The following DYNC2H1 variants were observed in gnomAD, a reference collection of about 807,000 sequenced individuals.
DYNC2H1 encodes cytoplasmic dynein 2 heavy chain 1.
In DYNC2H1, 410 loss-of-function variants were observed where a neutral mutation model predicts 570.0. The observed-to-expected ratio is 0.72, with a 90% CI of 0.66 to 0.78. The LOEUF is 0.78. Ranked by LOEUF, DYNC2H1 falls within the 30% of genes least tolerant of loss-of-function variation. The pLI is 0.00. For synonymous variants in DYNC2H1, 1,688 were observed against 1,677.6 expected (o/e 1.01, Z -0.15); for missense variants, 4,865 against 5,046.4 (o/e 0.96, Z 1.09).
chr11:103,369,359 A>G lies in DYNC2H1; in HGVS notation c.12156+11000A>G, dbSNP rs1941050479. Among the ~76,000 whole-genome samples, 1 of 152,164 alleles carries G rather than the reference A, an allele frequency of 6.6e-6. No individual in the cohort carries two copies. Among genetic ancestry groups the G allele is most frequent in the Admixed American group, 6.5e-5 (1 of 15,276 alleles). ...GCAGGCGGAAGTACTCTGGGGCTCT[A>G]AATAATCTTGAAAAGCAGTCCAGGC... On this transcript the variant is annotated intron_variant, in intron 83 of 88. Coordinates refer to ENST00000375735, the MANE Select transcript of DYNC2H1 (RefSeq NM_001377.3). This position sits in a 1 kb window ranked among gnomAD's most constrained non-coding sequence, Gnocchi z 4.0.
rs1158336241 is a variant in DYNC2H1, at chr11:103,199,789, A to G, written c.8089-257A>G. Among the ~76,000 whole-genome samples the G allele has an allele frequency of 6.6e-6, 1 of 152,198 alleles. No homozygotes were observed. The highest frequency in any genetic ancestry group is 1.9e-4 in the East Asian group (1 of 5,198). On this transcript the variant is annotated intron_variant, in intron 49 of 88. Transcript: ENST00000375735. The surrounding 1 kb of genome is among the most constrained non-coding windows in gnomAD (Gnocchi z 4.6). Reference sequence around the variant, plus strand: ...CAGAAGGATGGAATTTACATAGGAAATATATGAGTAGAGATAAAAATGATC... The same window carrying G: ...CAGAAGGATGGAATTTACATAGGAAGTATATGAGTAGAGATAAAAATGATC...
chr11:103,179,690 C>G (rs574860519), intron 39 of DYNC2H1, among the ~76,000 whole-genome samples: 15 of 151,428 alleles, frequency 9.9e-5, no homozygotes, highest in Non-Finnish European at 1.3e-4. Flanking sequence ...GTCCAATGAC[C>G]CAGTCTTTTC....
chr11:103,118,689 G>A (rs1858545874), intron 6 of DYNC2H1, among the ~76,000 whole-genome samples: 1 of 152,020 alleles, frequency 6.6e-6, no homozygotes, highest in African/African-American at 2.4e-5. Context: ...GTAAATAGTT[G>A]GTTTACTTGA....
At chr11:103,263,921 C>T (rs1038359472) in intron 70 of DYNC2H1, among the ~76,000 whole-genome samples, 2 of 152,008 alleles carry the variant, frequency 1.3e-5, no homozygotes, top group African/African-American at 4.8e-5. Context: ...AATCCAGGAG[C>T]TGGTTTTATG....
At position 103,189,541 on chromosome 11, in the gene DYNC2H1, T is replaced by G. The variant is rs1311532915; in HGVS notation, c.7293-131T>G. 1.2e-6 allele frequency: 1 copy of G among 837,640 alleles called. No homozygotes were observed. The highest frequency in any genetic ancestry group is 1.8e-6 in the Non-Finnish European group (1 of 549,006). 51.9% of individuals were successfully genotyped at this position (837,640 alleles called of 1,614,324 possible). ...GGCGATGAGCCTAGTCTTAGCCCCCTGGGTAAGCTTTGGAGATATGTAGGT... is the reference window on the plus strand; with the variant it reads ...GGCGATGAGCCTAGTCTTAGCCCCCGGGGTAAGCTTTGGAGATATGTAGGT... On this transcript the variant is annotated intron_variant, in intron 44 of 88. Coordinates refer to ENST00000375735, the MANE Select transcript of DYNC2H1 (RefSeq NM_001377.3). This position sits in a 1 kb window ranked among gnomAD's most constrained non-coding sequence, Gnocchi z 4.3.
intron 84 of DYNC2H1, among the ~76,000 whole-genome samples, chr11:103,432,046 G>A (rs904380369): frequency 2.6e-5 from 4 of 152,084 alleles, no homozygotes; most frequent in Non-Finnish European, 4.4e-5. Flanking sequence ...CAGCCGCCGA[G>A]CACCAAACAG....
chr11:103,255,040 G>A (rs1021014715), intron 66 of DYNC2H1, among the ~76,000 whole-genome samples: 3 of 151,884 alleles, frequency 2.0e-5, no homozygotes, highest in Non-Finnish European at 1.5e-5. Context: ...CAAAGTGCTG[G>A]GATTACAGGC....
At chr11:103,298,999 C>T (rs934269175) in intron 75 of DYNC2H1, among the ~76,000 whole-genome samples, 4 of 151,968 alleles carry the variant, frequency 2.6e-5, no homozygotes, top group Non-Finnish European at 5.9e-5. Context: ...ATGGTAGTGA[C>T]CAGATGCAAG....
chr11:103,345,092 A>G (rs1939673952), intron 82 of DYNC2H1, among the ~76,000 whole-genome samples: 1 of 152,136 alleles, frequency 6.6e-6, no homozygotes, highest in African/African-American at 2.4e-5. Flanking sequence ...TATTTTTCGA[A>G]CATTATAAAG....
At chr11:103,211,268 T>C (rs1288777481) in intron 53 of DYNC2H1, among the ~76,000 whole-genome samples, 3 of 152,050 alleles carry the variant, frequency 2.0e-5, no homozygotes, top group African/African-American at 7.2e-5. Context: ...GGGCAGGGAA[T>C]ACAGATGCAA....
At chr11:103,399,356 G>A (rs1367834862) in intron 83 of DYNC2H1, among the ~76,000 whole-genome samples, 2 of 130,648 alleles carry the variant, frequency 1.5e-5, no homozygotes, top group East Asian at 2.2e-4. Context: ...GGGTTTCACC[G>A]TGTTGGCCAG....
rs1052642965 is a variant in DYNC2H1 at position 103,200,244 on chromosome 11, T to C, written c.8197+90T>C. The C allele has an allele frequency of 2.8e-5, 29 of 1,045,150 alleles. No homozygotes were observed. In the African/African-American group the frequency reaches 4.1e-4, roughly 15 times the overall value. The allele number at this position is 1,045,150 out of a possible 1,614,324, so 64.7% of individuals were successfully genotyped here. Reference sequence around the variant, plus strand: ...TATCTTGTGCAAAATTTATTTGTTTTGGAGAACTTTTGGCATAGTTCTTAC... The same window carrying C: ...TATCTTGTGCAAAATTTATTTGTTTCGGAGAACTTTTGGCATAGTTCTTAC... On this transcript the variant is annotated intron_variant, in intron 50 of 88. Transcript: ENST00000375735.
intron 34 of DYNC2H1, 71 bp from the exon 35 acceptor site, chr11:103,173,011 C>T (rs934260977): frequency 5.1e-6 from 4 of 785,988 alleles, no homozygotes; most frequent in East Asian, 4.8e-5. Context: ...CAAATATAAA[C>T]GATGCCTATA....
In DYNC2H1 at chr11:103,236,435, G is replaced by T; in HGVS notation, c.9715G>T (p.Asp3239Tyr). 1 of 1,585,816 alleles carries T rather than the reference G, an allele frequency of 6.3e-7. No homozygotes were observed. Among genetic ancestry groups the T allele is most frequent in the Non-Finnish European group, 8.7e-7 (1 of 1,155,336 alleles). Residue 3239 changes from aspartate to tyrosine, a missense_variant, in exon 63 of 89, where the codon GAT (aspartate) becomes TAT (tyrosine). This residue lies in a region of DYNC2H1 where 2,401 missense variants were observed against 2,454.6 expected (regional missense o/e 0.98). Coordinates refer to ENST00000375735, the MANE Select transcript of DYNC2H1 (RefSeq NM_001377.3). The stretch of plus-strand genomic sequence containing the variant: ...CAATATCTTCAACTTTTCAGAATTT[G>T]ATCTGAGGAGATTTCTTTGTACTGA... Reference protein sequence around the residue: ...WTKSAGLEKFDLRRFLCTESE... With the variant: ...WTKSAGLEKFYLRRFLCTESE...
rs1161108590 is a variant in DYNC2H1, at chr11:103,305,584, T to C, written c.11382+864T>C. On this transcript the variant is annotated intron_variant, in intron 77 of 88. Transcript: ENST00000375735. The surrounding 1 kb of genome is among the most constrained non-coding windows in gnomAD (Gnocchi z 4.3). ...TTAGTAATTAATTAATTAATTAATT[T>C]TTTCTGGCAGTGGTATATAGAATAG... Among the ~76,000 whole-genome samples, 1 of 152,112 alleles carries C rather than the reference T, an allele frequency of 6.6e-6. No individual in the cohort carries two copies. The highest frequency in any genetic ancestry group is 6.6e-5 in the Admixed American group (1 of 15,264).
chr11:103,153,621 A>G, intron 22 of DYNC2H1, 113 bp downstream of exon 22: 1 of 927,362 alleles, frequency 1.1e-6, no homozygotes, highest in Non-Finnish European at 1.6e-6. Context: ...AAACTTCATC[A>G]CTTTTTAAAC....
rs7358374 is a variant in DYNC2H1, at chr11:103,135,740, G to A, written c.2366G>A (p.Arg789Lys). 1 of 1,610,034 alleles carries A rather than the reference G, an allele frequency of 6.2e-7. No homozygotes were observed. Among genetic ancestry groups the A allele is most frequent in the Non-Finnish European group, 8.5e-7 (1 of 1,177,864 alleles). Reference protein sequence around the residue: ...LTYKQGRLQFRPPFEEIRAKY... With the variant: ...LTYKQGRLQFKPPFEEIRAKY... Reference sequence around the variant, plus strand: ...TTTAGACAGGGACGATTACAATTCAGGCCCCCTTTTGAAGAAATCCGGGCT... The same window carrying A: ...TTTAGACAGGGACGATTACAATTCAAGCCCCCTTTTGAAGAAATCCGGGCT... The change falls in exon 17 of 89, where the codon AGG becomes AAG. Residue 789 changes from arginine to lysine, a missense_variant. Physicochemically the swap from Arg to Lys is conservative, Grantham distance 26 (BLOSUM62 2). This residue lies in a region of DYNC2H1 where 1,936 missense variants were observed against 1,962.1 expected (regional missense o/e 0.99). Coordinates refer to ENST00000375735, the MANE Select transcript of DYNC2H1 (RefSeq NM_001377.3).
intron 85 of DYNC2H1, among the ~76,000 whole-genome samples, chr11:103,440,015 A>C (rs1944208926): frequency 6.6e-6 from 1 of 152,026 alleles, no homozygotes; most frequent in Non-Finnish European, 1.5e-5. Context: ...TCTAAATTCT[A>C]GCGTGTTCTC....
intron 70 of DYNC2H1, among the ~76,000 whole-genome samples, 174 bp downstream of exon 70, chr11:103,260,151 G>A (rs531717831): frequency 4.0e-5 from 6 of 149,774 alleles, no homozygotes; most frequent in African/African-American, 1.5e-4. Flanking sequence ...GTTGTAGTGG[G>A]GAAAAAAGTG....
Sources: gnomAD v4.1 joint callset for allele counts (sites outside exome capture counted in the v4.1 genomes callset) on GRCh38, gnomAD v4.1.1 for gene constraint, gnomAD v4.1.1 regional missense constraint, Gnocchi (gnomAD v3.1) non-coding constraint, MANE v1.5 for transcripts, NCBI Gene and HGNC (gene_info 2026-07-23, HGNC 2026-07-21) for gene names.